Variants in ENPP2 observed in about 807,000 individuals in gnomAD.
ENPP2 encodes the protein ectonucleotide pyrophosphatase/phosphodiesterase 2, also known as autotaxin.
In ENPP2, 51 loss-of-function variants were observed where a neutral mutation model predicts 120.2. The observed-to-expected ratio is 0.42, with a 90% CI of 0.34 to 0.54. The LOEUF is 0.54. Ranked by LOEUF, ENPP2 falls within the 20% of genes least tolerant of loss-of-function variation. The pLI is 0.04. For synonymous variants in ENPP2, 365 were observed against 366.4 expected (o/e 1.00, Z 0.04); for missense variants, 920 against 1,066.5 (o/e 0.86, Z 1.91).
chr8:119,584,992 C>A (rs756586857), intron 15 of ENPP2, among the ~76,000 whole-genome samples: 12 of 152,180 alleles, frequency 7.9e-5, no homozygotes, highest in Non-Finnish European at 1.5e-4. Flanking sequence ...GCATTGTTAA[C>A]CAACATGCCT....
At chr8:119,670,758 T>C (rs1310849373) in intron 1 of ENPP2, among the ~76,000 whole-genome samples, 1 of 152,142 alleles carries the variant, frequency 6.6e-6, no homozygotes, top group Admixed American at 6.5e-5. Context: ...AATAAATAGT[T>C]TAACACGCCT....
chr8:119,569,456 T>C (rs1342771386), intron 20 of ENPP2, 86 bp from the exon 21 acceptor site: 4 of 1,252,832 alleles, frequency 3.2e-6, no homozygotes, highest in Non-Finnish European at 3.3e-6. Flanking sequence ...CTCCTATGCT[T>C]GTATTCTGAT....
At chr8:119,590,741 ATGG>A in intron 12 of ENPP2, 111 bp from the exon 13 acceptor site, 1 of 689,850 alleles carries the variant, frequency 1.4e-6, no homozygotes, top group Non-Finnish European at 2.3e-6. Flanking sequence ...TAGTAACTTA[ATGG>A]GAAGAGCCCT....
At chr8:119,559,718 A>G (rs561344859) in intron 24 of ENPP2, among the ~76,000 whole-genome samples, 2 of 152,354 alleles carry the variant, frequency 1.3e-5, no homozygotes, top group South Asian at 4.1e-4. Context: ...CTTTAAAAAT[A>G]AAGCACTTAG....
chr8:119,623,169 T>C (rs1395293284), intron 3 of ENPP2, among the ~76,000 whole-genome samples: 6 of 152,104 alleles, frequency 3.9e-5, no homozygotes, highest in African/African-American at 1.4e-4. Context: ...AATACATTAA[T>C]AAAGAGATAT....
chr8:119,633,190 C>T (rs1177008174), intron 2 of ENPP2, among the ~76,000 whole-genome samples: 2 of 152,200 alleles, frequency 1.3e-5, no homozygotes, highest in Non-Finnish European at 2.9e-5. Context: ...TGATCTAAGG[C>T]TCCCAATCAT....
At chr8:119,584,609 G>A (rs1250226609) in intron 15 of ENPP2, among the ~76,000 whole-genome samples, 1 of 152,080 alleles carries the variant, frequency 6.6e-6, no homozygotes, top group East Asian at 1.9e-4. Flanking sequence ...TACAACTAGA[G>A]TACAACTAAG....
At chr8:119,589,070 A>G (rs929158996) in intron 13 of ENPP2, among the ~76,000 whole-genome samples, 1 of 152,218 alleles carries the variant, frequency 6.6e-6, no homozygotes, top group Non-Finnish European at 1.5e-5. Context: ...ATAAGAGTGT[A>G]TGTGTATGTG....
At chr8:119,665,755 C>T (rs1001892953) in intron 1 of ENPP2, among the ~76,000 whole-genome samples, 1 of 152,074 alleles carries the variant, frequency 6.6e-6, no homozygotes, top group Non-Finnish European at 1.5e-5. Flanking sequence ...ATAAAAATGA[C>T]ATTTTAAAAG....
intron 1 of ENPP2, among the ~76,000 whole-genome samples, chr8:119,666,483 AT>A (rs980547734): frequency 6.6e-6 from 1 of 152,128 alleles, no homozygotes; most frequent in African/African-American, 2.4e-5. Flanking sequence ...TAAAAAGACA[AT>A]TTAAAAAGAA....
intron 19 of ENPP2, among the ~76,000 whole-genome samples, chr8:119,575,426 A>G (rs1359312189): frequency 6.6e-6 from 1 of 152,156 alleles, no homozygotes; most frequent in African/African-American, 2.4e-5. Context: ...CAAAGCATCT[A>G]GTATTTCAGA....
At chr8:119,642,998 T>G (rs192247091), upstream of ENPP2, among the ~76,000 whole-genome samples, 1 of 152,308 alleles carries the variant, frequency 6.6e-6, no homozygotes, top group Admixed American at 6.5e-5. Flanking sequence ...CTGACATCAC[T>G]AGATTTAACA....
At chr8:119,636,940 A>T (rs1365657487) in intron 2 of ENPP2, among the ~76,000 whole-genome samples, 1 of 152,204 alleles carries the variant, frequency 6.6e-6, no homozygotes, top group African/African-American at 2.4e-5. Flanking sequence ...ACTGTTTTCC[A>T]AAAGAAGTCA....
chr8:119,645,328 G>A (rs1381980758), intron 1 of ENPP2, among the ~76,000 whole-genome samples: 1 of 152,082 alleles, frequency 6.6e-6, no homozygotes, highest in African/African-American at 2.4e-5. Context: ...TTCTTTTCAG[G>A]AAAACCTTAA....
intron 1 of ENPP2, among the ~76,000 whole-genome samples, chr8:119,647,583 T>C (rs899258281): frequency 6.6e-6 from 1 of 152,210 alleles, no homozygotes; most frequent in Admixed American, 6.5e-5. Flanking sequence ...TGTTTCCAAA[T>C]AAAATCTTAA....
chr8:119,646,474 G>C (rs149976919), intron 1 of ENPP2, among the ~76,000 whole-genome samples: 1 of 152,100 alleles, frequency 6.6e-6, no homozygotes, highest in Non-Finnish European at 1.5e-5. Context: ...CTTCTGATGC[G>C]AGTTTGAGGA....
At chr8:119,651,587 A>T (rs1817628993) in intron 1 of ENPP2, among the ~76,000 whole-genome samples, 3 of 152,182 alleles carry the variant, frequency 2.0e-5, no homozygotes, top group Admixed American at 2.0e-4. Context: ...GCTGAAAGAA[A>T]CCTGAGTCTA....
intron 2 of ENPP2, among the ~76,000 whole-genome samples, chr8:119,631,912 GC>G (rs34900958): frequency 6.6e-6 from 1 of 152,098 alleles, no homozygotes; most frequent in Non-Finnish European, 1.5e-5. Context: ...CCTACACCCA[GC>G]CTAAGATGTT....
intron 6 of ENPP2, 23 bp from the exon 7 acceptor site, chr8:119,617,266 T>C (rs1156600671): frequency 1.3e-6 from 2 of 1,577,442 alleles, no homozygotes; most frequent in Non-Finnish European, 1.7e-6. Flanking sequence ...TTGCAAATAT[T>C]AGAACAAGAG....
Sources: allele counts gnomAD v4.1 joint callset (sites outside exome capture counted in the v4.1 genomes callset), GRCh38; gene constraint gnomAD v4.1.1; transcripts MANE v1.5; gene names NCBI Gene and HGNC (gene_info 2026-07-23, HGNC 2026-07-21).